Variants in AMOTL1 observed in about 807,000 individuals in gnomAD.
AMOTL1 encodes angiomotin like 1.
Under a neutral mutation model 102.9 loss-of-function variants are expected in AMOTL1, and 45 were observed. That is an observed-to-expected ratio of 0.44 (90% confidence interval 0.34 to 0.56). The LOEUF (loss-of-function observed/expected upper bound fraction) is 0.56, where lower values mean the gene tolerates loss of function less well. AMOTL1 is among the 20% of genes least tolerant of loss of function. AMOTL1 has a pLI of 0.01. For synonymous variants in AMOTL1, 481 were observed against 484.7 expected (o/e 0.99, Z 0.10); for missense variants, 1,114 against 1,225.6 (o/e 0.91, Z 1.36).
intron 1 of AMOTL1, among the ~76,000 whole-genome samples, chr11:94,768,835 C>T (rs1480546331): frequency 2.0e-5 from 3 of 152,196 alleles, no homozygotes; most frequent in Admixed American, 2.0e-4. Flanking sequence ...GTGCTGCGCG[C>T]CCGACGCGGG....
rs1310748216 is a variant in AMOTL1, at chr11:94,875,273, G to C, written c.*4478G>C. ...GTCGGCTGGGGAAATGCAAAAGTTAGCATTTCAGTAGTGAATTTCTCCTGG... is the reference window on the plus strand; with the variant it reads ...GTCGGCTGGGGAAATGCAAAAGTTACCATTTCAGTAGTGAATTTCTCCTGG... On this transcript the variant is annotated 3_prime_UTR_variant, in exon 13 of 13. Transcript: ENST00000433060. 1 of 152,126 alleles carries C rather than the reference G, an allele frequency of 6.6e-6. No individual in the cohort carries two copies. The highest frequency in any genetic ancestry group is 1.5e-5 in the Non-Finnish European group (1 of 68,016). The allele number at this position is 152,126 out of a possible 1,614,324, so 9.4% of individuals were successfully genotyped here.
At chr11:94,785,923 A>C (rs998982263) in intron 1 of AMOTL1, among the ~76,000 whole-genome samples, 2 of 152,188 alleles carry the variant, frequency 1.3e-5, no homozygotes, top group African/African-American at 4.8e-5. Flanking sequence ...TGAGTATTAC[A>C]TGCTGGTAAT....
intron 3 of AMOTL1, among the ~76,000 whole-genome samples, chr11:94,760,118 A>T (rs545195223): frequency 6.6e-6 from 1 of 152,364 alleles, no homozygotes; most frequent in South Asian, 2.1e-4. Flanking sequence ...GAAGATTCTG[A>T]GTCTTCTCCT....
chr11:94,762,242 A>G (rs1950802632), intron 3 of AMOTL1, among the ~76,000 whole-genome samples: 2 of 152,262 alleles, frequency 1.3e-5, no homozygotes, highest in Non-Finnish European at 1.5e-5. Flanking sequence ...AGATTCACCC[A>G]GTATCTCAAT....
chr11:94,830,113 C>A lies in AMOTL1; in HGVS notation c.1477C>A (p.Arg493=). ...YESLVKSTTK[R]ESLDKAMRNK... is the part of the protein sequence containing the mutation. ...AAGTCTGGTCAAGTCTACCACCAAG[C>A]GAGAATCGCTGGACAAGGCCATGAG... The change falls in exon 5 of 13, where the codon CGA becomes AGA. Residue 493 remains arginine, a synonymous_variant. Transcript: ENST00000433060. The A allele has an allele frequency of 6.2e-7, 1 of 1,610,314 alleles. No homozygotes were observed. The highest frequency in any genetic ancestry group is 8.5e-7 in the Non-Finnish European group (1 of 1,178,206).
intron 3 of AMOTL1, among the ~76,000 whole-genome samples, chr11:94,753,512 G>C (rs919804992): frequency 2.0e-5 from 3 of 152,136 alleles, no homozygotes; most frequent in Non-Finnish European, 4.4e-5. Context: ...CTTTTCATGT[G>C]TTAGATTATA....
At position 94,800,069 on chromosome 11, in the gene AMOTL1, G is replaced by C. The variant is rs940028071; in HGVS notation, c.879G>C (p.Gly293=). The part of the protein sequence containing the change: ...GNGKGFKVGG[G]PSPAQPAGKV... ...GAAAGGGCTTCAAAGTAGGAGGGGG[G>C]CCCTCCCCTGCCCAGCCTGCAGGTA... Residue 293 remains glycine, a synonymous_variant, in exon 3 of 13, where the codon GGG becomes GGC. Transcript: ENST00000433060. 6.2e-7 allele frequency: 1 copy of C among 1,613,932 alleles called. No individual in the cohort carries two copies. The highest frequency in any genetic ancestry group is 1.1e-5 in the South Asian group (1 of 91,068).
At position 94,794,909 on chromosome 11, in the gene AMOTL1, T is replaced by C. The variant is rs73514301; in HGVS notation, c.50-102T>C. ...AAAAGAAAGAGCTCCCTCTGCCAAGTTGAAACACTGTGGGAGAATGCCTGG... is the reference window on the plus strand; with the variant it reads ...AAAAGAAAGAGCTCCCTCTGCCAAGCTGAAACACTGTGGGAGAATGCCTGG... On this transcript the variant is annotated intron_variant, in intron 1 of 12. Coordinates refer to ENST00000433060, the MANE Select transcript of AMOTL1 (RefSeq NM_130847.3). The C allele has an allele frequency of 4.9e-3, 6,453 of 1,320,054 alleles. 273 individuals are homozygous for C. In the African/African-American group the frequency reaches 0.087, roughly 18 times the overall value. 81.8% of individuals were successfully genotyped at this position (1,320,054 alleles called of 1,614,324 possible). A position where few individuals can be genotyped will look rare whatever the true frequency, so the allele number is the denominator to read the frequency against.
At chr11:94,765,209 G>A (rs1199127535), upstream of AMOTL1, among the ~76,000 whole-genome samples, 1 of 152,210 alleles carries the variant, frequency 6.6e-6, no homozygotes. Flanking sequence ...TAGAAAGGAT[G>A]CTGACCTTTA....
chr11:94,819,441 C>T (rs372651024), intron 3 of AMOTL1, among the ~76,000 whole-genome samples: 10 of 152,254 alleles, frequency 6.6e-5, no homozygotes, highest in African/African-American at 2.4e-4. Context: ...TTCCTCTGCC[C>T]TATTTTTTTA....
chr11:94,716,659 G>A (rs1057449633), intron 1 of AMOTL1, among the ~76,000 whole-genome samples: 3 of 152,232 alleles, frequency 2.0e-5, no homozygotes, highest in South Asian at 2.1e-4. Context: ...TGTTTGATGG[G>A]TATGGAGGAA....
At chr11:94,823,149 C>T (rs2135635539) in intron 4 of AMOTL1, among the ~76,000 whole-genome samples, 1 of 152,320 alleles carries the variant, frequency 6.6e-6, no homozygotes, top group Admixed American at 6.5e-5. Context: ...GTAGTAGGCT[C>T]TACTTGCTTC....
chr11:94,814,401 G>A (rs935656151), intron 3 of AMOTL1, among the ~76,000 whole-genome samples: 3 of 152,180 alleles, frequency 2.0e-5, no homozygotes, highest in South Asian at 2.1e-4. Flanking sequence ...ACCACATTAC[G>A]ATGGACAATG....
chr11:94,744,392 T>G (rs2135481822), intron 3 of AMOTL1, among the ~76,000 whole-genome samples: 1 of 152,258 alleles, frequency 6.6e-6, no homozygotes, highest in East Asian at 1.9e-4. Flanking sequence ...AGAGTTGGGG[T>G]GCACCACCCT....
chr11:94,740,966 A>G lies in AMOTL1; in HGVS notation c.114A>G (p.Ala38=), dbSNP rs748642495. 90 of 1,288,982 alleles carry G rather than the reference A, an allele frequency of 7.0e-5. 3 individuals are homozygous for G. In the South Asian group the frequency reaches 1.1e-3, roughly 16 times the overall value. 79.8% of individuals were successfully genotyped at this position (1,288,982 alleles called of 1,614,324 possible). A position where few individuals can be genotyped will look rare whatever the true frequency, so the allele number is the denominator to read the frequency against. ...GTGAGTTTGTGGAAGCCTCGCCCGC[A>G]TCCTACAGCCCAGACGAGTTAGGTA... The change falls in exon 3 of 5, where the codon GCA becomes GCG. Residue 38 remains alanine, a synonymous_variant. Transcript: ENST00000299004.
At chr11:94,706,648 G>C (rs926825783) in intron 1 of AMOTL1, 4 of 152,156 alleles carry the variant, frequency 2.6e-5, no homozygotes, top group South Asian at 2.1e-4. Flanking sequence ...CTTAACACGA[G>C]GGGGGGATTT....
intron 9 of AMOTL1, among the ~76,000 whole-genome samples, chr11:94,860,213 G>A (rs1002633270): frequency 6.6e-6 from 1 of 152,154 alleles, no homozygotes; most frequent in Non-Finnish European, 1.5e-5. Context: ...CTGAGGGCAG[G>A]TATATTATTA....
chr11:94,767,733 G>T (rs1169746877), upstream of AMOTL1, among the ~76,000 whole-genome samples: 1 of 144,546 alleles, frequency 6.9e-6, no homozygotes, highest in Non-Finnish European at 1.6e-5. Context: ...TTTTCCCAGA[G>T]TCGCTTACTT....
At chr11:94,715,707 C>A (rs1012724324) in intron 1 of AMOTL1, among the ~76,000 whole-genome samples, 1 of 152,028 alleles carries the variant, frequency 6.6e-6, no homozygotes, top group Admixed American at 6.6e-5. Flanking sequence ...TAGTTTCAAA[C>A]GAGAAATCCT....
Sources: allele counts gnomAD v4.1 joint callset (sites outside exome capture counted in the v4.1 genomes callset), GRCh38; gene constraint gnomAD v4.1.1; transcripts MANE v1.5; gene names NCBI Gene and HGNC (gene_info 2026-07-23, HGNC 2026-07-21).